PRR16: variants seen among roughly 807,000 people sequenced by gnomAD.
PRR16 encodes protein Largen.
Under a neutral mutation model 18.2 loss-of-function variants are expected in PRR16, and 6 were observed. That is an observed-to-expected ratio of 0.33 (90% confidence interval 0.18 to 0.65). The LOEUF (loss-of-function observed/expected upper bound fraction) is 0.65. Ranked by LOEUF, PRR16 falls within the 30% of genes least tolerant of loss-of-function variation. PRR16 has a pLI of 0.74. For synonymous variants in PRR16, 151 were observed against 147.8 expected (o/e 1.02, Z -0.16); for missense variants, 412 against 376.6 (o/e 1.09, Z -0.78).
intron 1 of PRR16, among the ~76,000 whole-genome samples, chr5:120,547,828 T>G (rs370971813): frequency 2.6e-5 from 4 of 152,116 alleles, no homozygotes; most frequent in East Asian, 3.9e-4. Flanking sequence ...CTTCAGAAAT[T>G]GATTAAAATG....
At chr5:120,717,742 G>A in the PRR16 span, among the ~76,000 whole-genome samples, 1 of 152,130 alleles carries the variant, frequency 6.6e-6, no homozygotes, top group East Asian at 1.9e-4. Context: ...CTGTGACTCT[G>A]TGCTCTTTAT....
intron 1 of PRR16, chr5:120,481,073 C>G (rs559230167): frequency 1.8e-5 from 21 of 1,145,002 alleles, no homozygotes; most frequent in Middle Eastern, 4.0e-4. Flanking sequence ...ATACTTTGGC[C>G]CATCTAATTC....
chr5:120,697,929 G>C, the PRR16 span, among the ~76,000 whole-genome samples: 1 of 152,192 alleles, frequency 6.6e-6, no homozygotes. Context: ...GGTGGGGCAG[G>C]GCATATTCAC....
At position 120,611,730 on chromosome 5, in the gene PRR16, CA is replaced by C. The variant is rs903419531; in HGVS notation, c.160-74223del. Among the ~76,000 whole-genome samples the C allele has an allele frequency of 7.0e-4, 106 of 152,266 alleles. 1 individual carries two copies. The highest frequency in any genetic ancestry group is 1.8e-4 in the Non-Finnish European group (12 of 68,012). On this transcript the variant is annotated intron_variant, in intron 1 of 1. Transcript: ENST00000407149. ...AAAAGTTTGCTGCAGGGGTGGGGCCCACATGGAGAACCTCTGCTAGGGCAGT... is the reference window on the plus strand; with the variant it reads ...AAAAGTTTGCTGCAGGGGTGGGGCCCCATGGAGAACCTCTGCTAGGGCAGT...
chr5:120,765,674 CAATG>C, the PRR16 span, among the ~76,000 whole-genome samples: 4 of 151,940 alleles, frequency 2.6e-5, no homozygotes, highest in Admixed American at 1.3e-4. Flanking sequence ...GTTTACAACT[CAATG>C]AATTTTCTCA....
chr5:120,780,945 G>A, the PRR16 span, among the ~76,000 whole-genome samples: 1 of 152,172 alleles, frequency 6.6e-6, no homozygotes, highest in Non-Finnish European at 1.5e-5. Flanking sequence ...AGCTACTTGG[G>A]AGGCTGAGGC....
At chr5:120,560,455 T>C (rs1752541255) in intron 1 of PRR16, among the ~76,000 whole-genome samples, 1 of 152,060 alleles carries the variant, frequency 6.6e-6, no homozygotes, top group African/African-American at 2.4e-5. Flanking sequence ...TTTGCACACG[T>C]TGAACCATCT....
At chr5:120,665,060 T>G (rs1756321807) in intron 1 of PRR16, among the ~76,000 whole-genome samples, 1 of 146,394 alleles carries the variant, frequency 6.8e-6, no homozygotes, top group Non-Finnish European at 1.5e-5. Context: ...TGAACTAGTT[T>G]ACAGTCCCAC....
chr5:120,600,493 A>G (rs1040238687), intron 1 of PRR16, among the ~76,000 whole-genome samples: 1 of 151,950 alleles, frequency 6.6e-6, no homozygotes, highest in African/African-American at 2.4e-5. Context: ...AGCAGCATGT[A>G]AGAGGTAGCA....
the PRR16 span, among the ~76,000 whole-genome samples, chr5:120,710,088 A>C: frequency 2.0e-5 from 3 of 152,088 alleles, no homozygotes; most frequent in East Asian, 5.8e-4. Context: ...TTACATTCCT[A>C]CCAACAGTGT....
chr5:120,511,760 G>A (rs2112857671), intron 1 of PRR16, among the ~76,000 whole-genome samples: 1 of 152,262 alleles, frequency 6.6e-6, no homozygotes, highest in African/African-American at 2.4e-5. Context: ...ACACTAGCTA[G>A]GCAACAGAGG....
chr5:120,681,493 T>C (rs1011192815), intron 1 of PRR16, among the ~76,000 whole-genome samples: 1 of 152,300 alleles, frequency 6.6e-6, no homozygotes, highest in African/African-American at 2.4e-5. Flanking sequence ...TCTTACCCTG[T>C]CCCAAATTAG....
intron 1 of PRR16, among the ~76,000 whole-genome samples, chr5:120,615,429 G>T (rs1457145949): frequency 2.0e-5 from 3 of 146,668 alleles, no homozygotes; most frequent in Non-Finnish European, 4.5e-5. Context: ...TGGGAGAGTG[G>T]AGGTGGATAC....
At chr5:120,493,553 G>A (rs916413331) in intron 1 of PRR16, among the ~76,000 whole-genome samples, 1 of 152,012 alleles carries the variant, frequency 6.6e-6, no homozygotes, top group Non-Finnish European at 1.5e-5. Flanking sequence ...ATTTCCTCCA[G>A]TGGTAACATC....
intron 1 of PRR16, among the ~76,000 whole-genome samples, chr5:120,662,787 G>GA (rs1447249798): frequency 6.6e-6 from 1 of 152,096 alleles, no homozygotes; most frequent in Admixed American, 6.6e-5. Context: ...GGCCCAGCAC[G>GA]AAGGTGAGCT....
chr5:120,782,720 G>A, the PRR16 span, among the ~76,000 whole-genome samples: 1 of 152,078 alleles, frequency 6.6e-6, no homozygotes, highest in African/African-American at 2.4e-5. Context: ...CTTTTATCCT[G>A]CTTTTTCAAA....
chr5:120,475,083 A>G (rs1383410879), intron 1 of PRR16, among the ~76,000 whole-genome samples: 5 of 152,216 alleles, frequency 3.3e-5, no homozygotes, highest in African/African-American at 9.6e-5. Context: ...ACTTCTCACT[A>G]TGTGCCAGGG....
At chr5:120,496,531 T>A (rs1013274826) in intron 1 of PRR16, among the ~76,000 whole-genome samples, 17 of 152,058 alleles carry the variant, frequency 1.1e-4, no homozygotes, top group African/African-American at 4.1e-4. Context: ...TGTTTAGATA[T>A]CTTCAAGACT....
chr5:120,515,163 G>A (rs1750948152), intron 1 of PRR16, among the ~76,000 whole-genome samples: 1 of 152,042 alleles, frequency 6.6e-6, no homozygotes, highest in Non-Finnish European at 1.5e-5. Flanking sequence ...GCATTAAAGG[G>A]GTGAGAGAGA....
Sources: allele counts gnomAD v4.1 joint callset (sites outside exome capture counted in the v4.1 genomes callset), GRCh38; gene constraint gnomAD v4.1.1; transcripts MANE v1.5; gene names NCBI Gene and HGNC (gene_info 2026-07-23, HGNC 2026-07-21).